Variants in TENM3 observed in about 807,000 individuals in gnomAD.
TENM3 encodes teneurin transmembrane protein 3.
TENM3 carries 63 observed loss-of-function variants against 255.1 expected under a neutral mutation model. The ratio of observed to expected loss-of-function variants is 0.25; its 90% CI spans 0.20 to 0.30. The LOEUF is 0.30. TENM3 is among the 10% of genes least tolerant of loss of function. The pLI, the probability that TENM3 is intolerant of heterozygous loss-of-function variation, is 1.00. For synonymous variants in TENM3, 1,306 were observed against 1,322.3 expected (o/e 0.99, Z 0.27); for missense variants, 2,929 against 3,461.1 (o/e 0.85, Z 3.86).
chr4:182,681,505 AATACTTATT>A (rs1249735279), intron 10 of TENM3, among the ~76,000 whole-genome samples: 3 of 152,180 alleles, frequency 2.0e-5, no homozygotes, highest in Non-Finnish European at 4.4e-5. Flanking sequence ...TAGAGAAGGC[AATACTTATT>A]ACTCTGTGAT....
chr4:182,284,019 T>A (rs1001559036), intron 1 of TENM3, among the ~76,000 whole-genome samples: 1 of 152,214 alleles, frequency 6.6e-6, no homozygotes, highest in African/African-American at 2.4e-5. Flanking sequence ...TTTTTCTGCC[T>A]AAAGAAAGTG....
chr4:181,857,551 C>CAAAA, the TENM3 span, among the ~76,000 whole-genome samples: 1,290 of 103,002 alleles, frequency 0.013, no homozygotes, highest in Non-Finnish European at 0.019. Context: ...CCTGTCTCTA[C>CAAAA]AAAAAAAAAA....
chr4:182,496,321 C>A (rs537511381), intron 3 of TENM3, among the ~76,000 whole-genome samples: 1 of 152,108 alleles, frequency 6.6e-6, no homozygotes, highest in African/African-American at 2.4e-5. Flanking sequence ...ACCTTCTCCT[C>A]ACTTCCTTTT....
the TENM3 span, among the ~76,000 whole-genome samples, chr4:181,473,895 T>C: frequency 7.0e-6 from 1 of 143,760 alleles, no homozygotes; most frequent in Non-Finnish European, 1.5e-5. Context: ...ATAAATATAC[T>C]GTATAAAGTA....
At chr4:182,266,996 T>C (rs1353704989) in intron 1 of TENM3, among the ~76,000 whole-genome samples, 3 of 152,182 alleles carry the variant, frequency 2.0e-5, no homozygotes, top group Non-Finnish European at 4.4e-5. Context: ...TGTTCTTAAA[T>C]GCAGGTTTTC....
chr4:182,015,997 C>T, the TENM3 span, among the ~76,000 whole-genome samples: 1 of 152,154 alleles, frequency 6.6e-6, no homozygotes, highest in Non-Finnish European at 1.5e-5. Flanking sequence ...AATGAAGTTT[C>T]ATAAATCCGT....
chr4:182,777,547 C>CTGTT (rs1764782031), intron 24 of TENM3, among the ~76,000 whole-genome samples: 2 of 45,468 alleles, frequency 4.4e-5, no homozygotes, highest in African/African-American at 1.7e-4. Context: ...GTGTGTATTT[C>CTGTT]TTTTTTTTTT....
the TENM3 span, among the ~76,000 whole-genome samples, chr4:182,072,714 G>A: frequency 6.6e-6 from 1 of 152,090 alleles, no homozygotes; most frequent in South Asian, 2.1e-4. Flanking sequence ...GGTTGTATTT[G>A]TGGCTCTGGG....
At chr4:181,856,517 G>A in the TENM3 span, among the ~76,000 whole-genome samples, 7 of 152,174 alleles carry the variant, frequency 4.6e-5, no homozygotes, top group African/African-American at 4.8e-5. Flanking sequence ...CTTCTGTAGT[G>A]TACCCTACAT....
chr4:182,408,089 A>C (rs1182165835), intron 3 of TENM3, among the ~76,000 whole-genome samples: 2 of 152,202 alleles, frequency 1.3e-5, no homozygotes, highest in Non-Finnish European at 2.9e-5. Context: ...TAAAATCACA[A>C]ACTCTTCATG....
chr4:182,237,992 A>G (rs1018054007), intron 1 of TENM3, among the ~76,000 whole-genome samples: 1 of 152,206 alleles, frequency 6.6e-6, no homozygotes, highest in African/African-American at 2.4e-5. Flanking sequence ...AATAGCTACC[A>G]CAACCAAAAT....
At chr4:182,099,119 G>A in the TENM3 span, among the ~76,000 whole-genome samples, 12 of 151,480 alleles carry the variant, frequency 7.9e-5, no homozygotes, top group Admixed American at 2.0e-4. Flanking sequence ...ATGCCGCCAC[G>A]CCCAGCTAAC....
the TENM3 span, among the ~76,000 whole-genome samples, chr4:182,022,435 A>G: frequency 3.3e-5 from 5 of 151,816 alleles, no homozygotes; most frequent in South Asian, 2.1e-4. Context: ...GTGAGGCACT[A>G]TGTTCACCAC....
intron 2 of TENM3, among the ~76,000 whole-genome samples, chr4:182,344,332 T>C (rs1000898810): frequency 6.6e-6 from 1 of 152,188 alleles, no homozygotes. Flanking sequence ...GCTTGCATCA[T>C]AGCTTCATTT....
rs891568470 is a variant in TENM3 at position 182,556,232 on chromosome 4, A to G, written c.512-44692A>G. Among the ~76,000 whole-genome samples the G allele has an allele frequency of 2.0e-5, 3 of 152,296 alleles. No homozygotes were observed. In the East Asian group the frequency reaches 5.8e-4, roughly 29 times the overall value. On this transcript the variant is annotated intron_variant, in intron 3 of 27. Coordinates refer to ENST00000511685, the MANE Select transcript of TENM3 (RefSeq NM_001080477.4). The stretch of plus-strand genomic sequence containing the variant: ...ATTTTACAGCACAAAAACTCCAATA[A>G]CATTTACTTCGGTTGGCTGAGATTG...
the TENM3 span, among the ~76,000 whole-genome samples, chr4:181,517,371 G>C: frequency 2.0e-5 from 3 of 152,138 alleles, no homozygotes; most frequent in Non-Finnish European, 4.4e-5. Context: ...ATCTGGGAAG[G>C]AGATGGCCCC....
rs747150916 is a variant in TENM3, at chr4:182,800,140, C to G, written c.7889C>G (p.Ala2630Gly). 6 of 1,455,576 alleles carry G rather than the reference C, an allele frequency of 4.1e-6. No homozygotes were observed. Among genetic ancestry groups the G allele is most frequent in the Non-Finnish European group, 5.4e-6 (6 of 1,113,564 alleles). The allele number at this position is 1,455,576 out of a possible 1,614,324, so 90.2% of individuals were successfully genotyped here. A position where few individuals can be genotyped will look rare whatever the true frequency, so the allele number is the denominator to read the frequency against. The change falls in exon 28 of 28, where the codon GCC becomes GGC. Residue 2630 changes from alanine (A) to glycine (G), a missense_variant. By Grantham distance (60) the Ala-to-Gly change is moderately conservative (BLOSUM62 0). Coordinates refer to ENST00000511685, the MANE Select transcript of TENM3 (RefSeq NM_001080477.4). Reference sequence around the variant, plus strand: ...GAGCAGGCGCGGCAGCGCGCGCTCGCCCGGGCCTGGGCGCGCGAGCAGCAG... The same window carrying G: ...GAGCAGGCGCGGCAGCGCGCGCTCGGCCGGGCCTGGGCGCGCGAGCAGCAG... ...ILEQARQRAL[A>G]RAWAREQQRV...
intron 12 of TENM3, among the ~76,000 whole-genome samples, chr4:182,706,230 G>A (rs1450611389): frequency 6.6e-6 from 1 of 152,124 alleles, no homozygotes; most frequent in Non-Finnish European, 1.5e-5. Context: ...CTGCCTGGTT[G>A]GAACTTTGTC....
the TENM3 span, among the ~76,000 whole-genome samples, chr4:181,714,931 G>C: frequency 6.6e-6 from 1 of 152,146 alleles, no homozygotes; most frequent in Non-Finnish European, 1.5e-5. Flanking sequence ...TTCTATTGAA[G>C]TTCTCAGAAG....
Sources: gnomAD v4.1 joint callset for allele counts (sites outside exome capture counted in the v4.1 genomes callset) on GRCh38, gnomAD v4.1.1 for gene constraint, MANE v1.5 for transcripts, NCBI Gene and HGNC (gene_info 2026-07-23, HGNC 2026-07-21) for gene names.